BACH2: variants seen among roughly 807,000 people sequenced by gnomAD.
BACH2 encodes the protein BACH transcriptional regulator 2.
In BACH2, 5 loss-of-function variants were observed where a neutral mutation model predicts 61.8. The observed-to-expected ratio is 0.08, with a 90% confidence interval of 0.04 to 0.17. The LOEUF (loss-of-function observed/expected upper bound fraction) is 0.17, where lower values mean the gene tolerates loss of function less well. Among genes scored for constraint, BACH2 ranks in the 10% least tolerant of loss-of-function variants. The pLI is 1.00. For synonymous variants in BACH2, 446 were observed against 440.1 expected (o/e 1.01, Z -0.17); for missense variants, 824 against 1,091.1 (o/e 0.76, Z 3.45).
Position 90,014,839 on chromosome 6 carries a change from C to T in BACH2, c.-12-5983G>A, listed in dbSNP as rs188619718. Among the ~76,000 whole-genome samples the T allele has an allele frequency of 1.1e-3, 160 of 151,816 alleles. 1 individual carries two copies. The highest frequency in any genetic ancestry group is 3.7e-3 in the African/African-American group (153 of 41,364). On this transcript the variant is annotated intron_variant, in intron 5 of 8. Transcript: ENST00000257749. The stretch of plus-strand genomic sequence containing the variant: ...TGTTGCCCTGGCTGGAGTGCAGTGG[C>T]GTGATCATAGCTAACTGCAACCTCA...
At chr6:90,007,753 C>T (rs947235437) in intron 6 of BACH2, among the ~76,000 whole-genome samples, 1 of 152,158 alleles carries the variant, frequency 6.6e-6, no homozygotes, top group South Asian at 2.1e-4. Flanking sequence ...GAGTTGTACT[C>T]CTGGGAGTTA....
intron 5 of BACH2, among the ~76,000 whole-genome samples, chr6:90,014,767 C>T (rs1426727186): frequency 6.6e-6 from 1 of 151,456 alleles, no homozygotes; most frequent in Non-Finnish European, 1.5e-5. Context: ...GCTACCGCCC[C>T]TGGCCTTTTT....
intron 4 of BACH2, among the ~76,000 whole-genome samples, chr6:90,098,433 C>A (rs1323398926): frequency 6.6e-6 from 1 of 152,130 alleles, no homozygotes; most frequent in Non-Finnish European, 1.5e-5. Context: ...CATTTTTATT[C>A]CAAAAATTAG....
intron 4 of BACH2, among the ~76,000 whole-genome samples, chr6:90,139,826 G>C (rs1784404794): frequency 6.6e-6 from 1 of 152,142 alleles, no homozygotes; most frequent in Admixed American, 6.5e-5. Context: ...GTAGGAAAGG[G>C]AACAGGAAGA....
At chr6:90,262,831 G>A (rs1738181121) in intron 2 of BACH2, among the ~76,000 whole-genome samples, 1 of 152,194 alleles carries the variant, frequency 6.6e-6, no homozygotes, top group African/African-American at 2.4e-5. Context: ...CTGTTAGTAA[G>A]TATATAAACT....
intron 1 of BACH2, among the ~76,000 whole-genome samples, chr6:90,292,506 A>G (rs1772209941): frequency 6.6e-6 from 1 of 152,240 alleles, no homozygotes; most frequent in Non-Finnish European, 1.5e-5. Context: ...CACTGTACTC[A>G]TGGTATTAAA....
intron 5 of BACH2, among the ~76,000 whole-genome samples, chr6:90,034,591 T>C (rs945159337): frequency 1.3e-5 from 2 of 152,206 alleles, no homozygotes; most frequent in Non-Finnish European, 2.9e-5. Flanking sequence ...CTGATTCTGA[T>C]TAATAATTCA....
At chr6:90,014,324 A>T (rs1777899650) in intron 5 of BACH2, among the ~76,000 whole-genome samples, 1 of 142,804 alleles carries the variant, frequency 7.0e-6, no homozygotes, top group Non-Finnish European at 1.5e-5. Flanking sequence ...TTCTTCCTTA[A>T]ATGTTTGGTA....
chr6:90,045,983 G>A (rs773688990), intron 5 of BACH2, among the ~76,000 whole-genome samples: 1 of 151,966 alleles, frequency 6.6e-6, no homozygotes, highest in Non-Finnish European at 1.5e-5. Flanking sequence ...GTTCATATCT[G>A]CTCCCCTGCT....
At chr6:90,064,605 CTAAAGCAGGCCTTG>C (rs1780848684) in intron 5 of BACH2, among the ~76,000 whole-genome samples, 1 of 152,166 alleles carries the variant, frequency 6.6e-6, no homozygotes, top group Non-Finnish European at 1.5e-5. Flanking sequence ...CAGGGGCATC[CTAAAGCAGGCCTTG>C]TGCAGGCTTG....
chr6:90,117,940 T>C (rs1783470179), intron 4 of BACH2, among the ~76,000 whole-genome samples: 1 of 152,224 alleles, frequency 6.6e-6, no homozygotes, highest in Non-Finnish European at 1.5e-5. Flanking sequence ...TCACCTTCTC[T>C]GCTTTCACTA....
chr6:90,241,960 A>G (rs1315740349), intron 3 of BACH2, among the ~76,000 whole-genome samples: 1 of 147,570 alleles, frequency 6.8e-6, no homozygotes, highest in African/African-American at 2.5e-5. Flanking sequence ...TTAGTAGACT[A>G]TTTTTTAGAG....
chr6:90,240,963 T>C (rs1049431451), intron 3 of BACH2, among the ~76,000 whole-genome samples: 1 of 151,814 alleles, frequency 6.6e-6, no homozygotes, highest in Non-Finnish European at 1.5e-5. Flanking sequence ...AAATTAAGAG[T>C]TGACTAAAAG....
chr6:90,122,135 C>T (rs1466913397), intron 4 of BACH2, among the ~76,000 whole-genome samples: 5 of 152,368 alleles, frequency 3.3e-5, no homozygotes, highest in Admixed American at 2.0e-4. Context: ...AAATGACACA[C>T]GTCCAGGCAA....
intron 3 of BACH2, among the ~76,000 whole-genome samples, chr6:90,235,112 C>G (rs17585295): frequency 1.3e-5 from 2 of 151,962 alleles, no homozygotes; most frequent in Admixed American, 1.3e-4. Flanking sequence ...GACCTTTTTT[C>G]GGCTGCAAGC....
intron 4 of BACH2, among the ~76,000 whole-genome samples, chr6:90,173,403 C>T (rs1032897221): frequency 6.6e-6 from 1 of 151,920 alleles, no homozygotes; most frequent in Non-Finnish European, 1.5e-5. Flanking sequence ...TGGAAATGAC[C>T]CAAATATCCA....
At chr6:90,022,052 T>C (rs1001337867) in intron 5 of BACH2, among the ~76,000 whole-genome samples, 2 of 152,212 alleles carry the variant, frequency 1.3e-5, no homozygotes, top group African/African-American at 4.8e-5. Flanking sequence ...TTCCTTGACC[T>C]TCTAGGGGAA....
rs185123974 is a variant in BACH2, at chr6:90,099,771, A to G, written c.-161-10662T>C. ...GGCTTAGGCATTTTTTAACAGGTTT[A>G]TTGAGATATAATCAGCATATCATAC... is the stretch of plus-strand genomic sequence containing the variant. On this transcript the variant is annotated intron_variant, in intron 4 of 8. Transcript: ENST00000257749. Among the ~76,000 whole-genome samples, 91 of 152,362 alleles carry G rather than the reference A, an allele frequency of 6.0e-4. 1 individual carries two copies. The East Asian group carries it at 0.014, about 24-fold the overall frequency.
At chr6:90,276,763 T>C in intron 1 of BACH2, among the ~76,000 whole-genome samples, 1 of 152,154 alleles carries the variant, frequency 6.6e-6, no homozygotes, top group East Asian at 1.9e-4. Context: ...TCATCCCTTA[T>C]TATACCCTGG....
Sources: gnomAD v4.1 joint callset for allele counts (sites outside exome capture counted in the v4.1 genomes callset) on GRCh38, gnomAD v4.1.1 for gene constraint, MANE v1.5 for transcripts, NCBI Gene and HGNC (gene_info 2026-07-23, HGNC 2026-07-21) for gene names.